MLLT3: variants seen among roughly 807,000 people sequenced by gnomAD.
MLLT3 encodes protein AF-9.
MLLT3 carries 4 observed loss-of-function variants against 53.2 expected under a neutral mutation model. That is an observed-to-expected ratio of 0.08 (90% CI 0.04 to 0.17). MLLT3 has a LOEUF of 0.17. Among genes scored for constraint, MLLT3 ranks in the 10% least tolerant of loss-of-function variants. The probability of loss-of-function intolerance (pLI) is 1.00; values close to 1 mark genes in which losing one functional copy is unlikely to be tolerated. For synonymous variants in MLLT3, 283 were observed against 230.6 expected (o/e 1.23, Z -2.06); for missense variants, 569 against 684.0 (o/e 0.83, Z 1.87).
intron 4 of MLLT3, 137 bp from the exon 5 acceptor site, chr9:20,414,562 CA>C: frequency 3.2e-6 from 4 of 1,246,512 alleles, no homozygotes; most frequent in South Asian, 1.5e-5. Flanking sequence ...TAATATAAAC[CA>C]AAAACCACAA....
At chr9:20,522,034 T>A in intron 2 of MLLT3, among the ~76,000 whole-genome samples, 1 of 149,774 alleles carries the variant, frequency 6.7e-6, no homozygotes. Flanking sequence ...CACTCTGAAA[T>A]ATGTGGTGGA....
intron 4 of MLLT3, among the ~76,000 whole-genome samples, chr9:20,426,397 T>A (rs1823139516): frequency 6.6e-6 from 1 of 152,148 alleles, no homozygotes; most frequent in African/African-American, 2.4e-5. Context: ...TGATAAATAA[T>A]CGTTAAATAA....
At chr9:20,421,764 A>C (rs914578745) in intron 4 of MLLT3, among the ~76,000 whole-genome samples, 2 of 152,186 alleles carry the variant, frequency 1.3e-5, no homozygotes, top group Admixed American at 6.5e-5. Flanking sequence ...AATAAGATTA[A>C]TGAGGAGACA....
At chr9:20,421,825 C>T (rs1054229482) in intron 4 of MLLT3, among the ~76,000 whole-genome samples, 1 of 151,874 alleles carries the variant, frequency 6.6e-6, no homozygotes, top group Admixed American at 6.6e-5. Flanking sequence ...AAGAATCAAC[C>T]CATCAATTGG....
At chr9:20,608,524 C>T (rs2131205534) in intron 2 of MLLT3, among the ~76,000 whole-genome samples, 1 of 151,746 alleles carries the variant, frequency 6.6e-6, no homozygotes, top group South Asian at 2.1e-4. Flanking sequence ...TTTATAACTT[C>T]AATACAAAAT....
intron 2 of MLLT3, among the ~76,000 whole-genome samples, chr9:20,469,713 G>A (rs1337897689): frequency 1.4e-5 from 2 of 140,350 alleles, no homozygotes; most frequent in Non-Finnish European, 3.2e-5. Flanking sequence ...TCACTAATTC[G>A]GTGCAATCAG....
chr9:20,414,274 G>C lies in MLLT3; in HGVS notation c.572C>G (p.Thr191Ser), dbSNP rs765650486. 1.2e-5 allele frequency: 19 copies of C among 1,609,724 alleles called. No homozygotes were observed. Among genetic ancestry groups the C allele is most frequent in the Middle Eastern group, 1.8e-4 (1 of 5,622 alleles). Residue 191 changes from threonine (T) to serine (S), a missense_variant, in exon 5 of 11, where the codon ACC (threonine) becomes AGC (serine). Thr to Ser is a moderately conservative substitution (Grantham distance 58). Transcript: ENST00000380338. ...SSSSSSSSSS[T>S]SFSKPHKLMK... Reference sequence around the variant, plus strand: ...TAATTTGTGAGGCTTTGAAAAACTGGTACTACTGCTGCTGCTGCTGCTGCT... The same window carrying C: ...TAATTTGTGAGGCTTTGAAAAACTGCTACTACTGCTGCTGCTGCTGCTGCT...
At chr9:20,561,891 C>T (rs919191324) in intron 2 of MLLT3, among the ~76,000 whole-genome samples, 1 of 151,268 alleles carries the variant, frequency 6.6e-6, no homozygotes, top group African/African-American at 2.4e-5. Flanking sequence ...AATTAACTTT[C>T]TCTGATCCTT....
chr9:20,507,584 T>C (rs1825413138), intron 2 of MLLT3, among the ~76,000 whole-genome samples: 1 of 152,160 alleles, frequency 6.6e-6, no homozygotes, highest in Admixed American at 6.5e-5. Flanking sequence ...CCAAAATTAA[T>C]CTCATGTTCA....
At chr9:20,515,039 C>T (rs891626946) in intron 2 of MLLT3, among the ~76,000 whole-genome samples, 4 of 149,518 alleles carry the variant, frequency 2.7e-5, no homozygotes, top group East Asian at 2.0e-4. Context: ...CTCTGCCTCC[C>T]GGGTTCAGGC....
intron 2 of MLLT3, among the ~76,000 whole-genome samples, chr9:20,538,093 G>C (rs1371764778): frequency 2.0e-5 from 3 of 152,218 alleles, no homozygotes; most frequent in Non-Finnish European, 2.9e-5. Context: ...AAAATTATTT[G>C]TGCCCCATGT....
At chr9:20,461,899 CTCTA>C (rs1262126352) in intron 2 of MLLT3, among the ~76,000 whole-genome samples, 14 of 152,308 alleles carry the variant, frequency 9.2e-5, no homozygotes, top group Non-Finnish European at 2.1e-4. Flanking sequence ...ATCAAACTCT[CTCTA>C]TATATAGACT....
At chr9:20,369,522 G>T (rs1033851521) in intron 5 of MLLT3, among the ~76,000 whole-genome samples, 2 of 152,118 alleles carry the variant, frequency 1.3e-5, no homozygotes, top group African/African-American at 4.8e-5. Context: ...ACCATGTTGT[G>T]GGGGAGACAC....
At chr9:20,521,094 G>A (rs1271860864) in intron 2 of MLLT3, among the ~76,000 whole-genome samples, 1 of 150,086 alleles carries the variant, frequency 6.7e-6, no homozygotes, top group Non-Finnish European at 1.5e-5. Flanking sequence ...TTTTAAAGGA[G>A]AGAGTCTTGC....
At chr9:20,514,155 G>A (rs902876723) in intron 2 of MLLT3, among the ~76,000 whole-genome samples, 1 of 152,212 alleles carries the variant, frequency 6.6e-6, no homozygotes, top group African/African-American at 2.4e-5. Context: ...TTTCCTTGCA[G>A]TATGGAAGTG....
At chr9:20,583,910 A>T (rs1418068818) in intron 2 of MLLT3, among the ~76,000 whole-genome samples, 1 of 152,180 alleles carries the variant, frequency 6.6e-6, no homozygotes, top group South Asian at 2.1e-4. Context: ...GCTCCTTGCT[A>T]CTTATGCAAA....
intron 2 of MLLT3, among the ~76,000 whole-genome samples, chr9:20,475,746 C>T (rs925917054): frequency 3.3e-5 from 5 of 152,084 alleles, no homozygotes; most frequent in Admixed American, 3.3e-4. Context: ...ATTTACATTA[C>T]CTAGCTATAC....
At chr9:20,470,342 C>A (rs1393297296) in intron 2 of MLLT3, among the ~76,000 whole-genome samples, 1 of 151,934 alleles carries the variant, frequency 6.6e-6, no homozygotes, top group Non-Finnish European at 1.5e-5. Flanking sequence ...TTAAATTTCT[C>A]ATCAGACAAC....
At chr9:20,485,483 A>G (rs1824786135) in intron 2 of MLLT3, among the ~76,000 whole-genome samples, 1 of 152,248 alleles carries the variant, frequency 6.6e-6, no homozygotes, top group African/African-American at 2.4e-5. Context: ...GCTATGTATG[A>G]AAACCTAAAC....
Sources: gnomAD v4.1 joint callset for allele counts (sites outside exome capture counted in the v4.1 genomes callset) on GRCh38, gnomAD v4.1.1 for gene constraint, MANE v1.5 for transcripts, NCBI Gene and HGNC (gene_info 2026-07-23, HGNC 2026-07-21) for gene names.